Variants in CATSPERD observed in about 807,000 individuals in gnomAD.
The protein encoded by CATSPERD is cation channel sperm-associated auxiliary subunit delta.
CATSPERD carries 86 observed loss-of-function variants against 98.1 expected under a neutral mutation model. That is an observed-to-expected ratio of 0.88 (90% CI 0.74 to 1.05). The LOEUF is 1.05. CATSPERD is among the 50% of genes least tolerant of loss of function. The pLI is 0.00. For missense variants in CATSPERD, 995 were observed against 1,005.7 expected (o/e 0.99, Z 0.14); for synonymous variants, 394 against 390.2 (o/e 1.01, Z -0.12).
intron 12 of CATSPERD, chr19:5,753,561 C>CAAA (rs374878871): frequency 9.2e-5 from 30 of 325,056 alleles, no homozygotes; most frequent in East Asian, 6.0e-4. Context: ...GACTCTGTCT[C>CAAA]AAAAAAAAAA....
At chr19:5,744,287 A>AT in intron 7 of CATSPERD, 140 bp from the exon 8 acceptor site, 1 of 704,928 alleles carries the variant, frequency 1.4e-6, no homozygotes, top group South Asian at 1.6e-5. Flanking sequence ...ATTGAGTGCC[A>AT]TATTTCCACA....
intron 5 of CATSPERD, among the ~76,000 whole-genome samples, chr19:5,735,240 C>A (rs1395335691): frequency 6.6e-6 from 1 of 151,914 alleles, no homozygotes; most frequent in Non-Finnish European, 1.5e-5. Context: ...TGGGTTCAAG[C>A]GATTCTCCTG....
At chr19:5,767,233 C>T (rs1203086357) in intron 17 of CATSPERD, among the ~76,000 whole-genome samples, 4 of 138,014 alleles carry the variant, frequency 2.9e-5, no homozygotes, top group African/African-American at 1.1e-4. Context: ...AGGAGAATGG[C>T]GTGAACCCAG....
At chr19:5,743,305 A>G (rs2056025312) in intron 7 of CATSPERD, among the ~76,000 whole-genome samples, 1 of 151,640 alleles carries the variant, frequency 6.6e-6, no homozygotes, top group African/African-American at 2.4e-5. Context: ...CTCTGTCTCA[A>G]AAACAAACAA....
rs375478131 is a variant in CATSPERD at position 5,736,020 on chromosome 19, G to A, written c.392-1118G>A. Among the ~76,000 whole-genome samples, 6 of 137,806 alleles carry A rather than the reference G, an allele frequency of 4.4e-5. No homozygotes were observed. In the East Asian group the frequency reaches 6.7e-4, roughly 15 times the overall value. The allele number at this position is 137,806 out of a possible 152,430, so 90.4% of individuals were successfully genotyped here. The stretch of plus-strand genomic sequence containing the variant: ...TGGTCTTGATCTGACCTCATGATCC[G>A]CCCGCTTCAGCCTCCCAAAGTGCTG... On this transcript the variant is annotated intron_variant, in intron 5 of 21. Coordinates refer to ENST00000381624, the MANE Select transcript of CATSPERD (RefSeq NM_152784.4).
At position 5,745,930 on chromosome 19, in the gene CATSPERD, A is replaced by G. The variant is rs2056084077; in HGVS notation, c.675A>G (p.Ser225=). ...TCTCCCAGGGCATGTTCAAGTACTC[A>G]GATCACCCCCTCAACCGGAGTTTCG... ...VNQGKGMFKY[S]DHPLNRSFGL... is the part of the protein sequence containing the mutation. The change falls in exon 9 of 22, where the codon TCA becomes TCG. Residue 225 remains serine, a synonymous_variant. Transcript: ENST00000381624. 5 of 1,613,992 alleles carry G rather than the reference A, an allele frequency of 3.1e-6. No homozygotes were observed. Among genetic ancestry groups the G allele is most frequent in the Non-Finnish European group, 4.2e-6 (5 of 1,180,018 alleles).
chr19:5,724,955 G>C, intron 2 of CATSPERD, 93 bp downstream of exon 2: 1 of 1,137,086 alleles, frequency 8.8e-7, no homozygotes, highest in Non-Finnish European at 1.3e-6. Context: ...TGCCCGTGTT[G>C]TCAAGCATTT....
intron 11 of CATSPERD, among the ~76,000 whole-genome samples, chr19:5,751,083 C>T (rs898349724): frequency 3.4e-5 from 5 of 149,242 alleles, no homozygotes; most frequent in Non-Finnish European, 4.4e-5. Flanking sequence ...CATGGTGGTG[C>T]GACTGTGATC....
chr19:5,753,606 C>T, intron 12 of CATSPERD: 1 of 404,278 alleles, frequency 2.5e-6, no homozygotes, highest in Non-Finnish European at 4.9e-6. Context: ...CAGTGGCTCA[C>T]AACTGTAACC....
intron 5 of CATSPERD, among the ~76,000 whole-genome samples, chr19:5,736,031 C>T (rs552987333): frequency 1.3e-5 from 2 of 151,972 alleles, no homozygotes; most frequent in African/African-American, 2.4e-5. Flanking sequence ...CCCGCTTCAG[C>T]CTCCCAAAGT....
chr19:5,732,235 T>C (rs2055740099), intron 4 of CATSPERD, among the ~76,000 whole-genome samples: 1 of 151,138 alleles, frequency 6.6e-6, no homozygotes, highest in Non-Finnish European at 1.5e-5. Flanking sequence ...TCTCCCAGAG[T>C]GCTAGGATTA....
intron 7 of CATSPERD, among the ~76,000 whole-genome samples, chr19:5,743,557 C>T (rs984315279): frequency 2.7e-5 from 4 of 150,450 alleles, no homozygotes; most frequent in African/African-American, 9.8e-5. Context: ...CGAGGCTGTG[C>T]CACTGCACTC....
chr19:5,766,738 G>C (rs927805147), intron 17 of CATSPERD, among the ~76,000 whole-genome samples: 3 of 150,824 alleles, frequency 2.0e-5, no homozygotes, highest in Non-Finnish European at 4.4e-5. Flanking sequence ...TGTCACCCAG[G>C]CTGGAGTGCA....
intron 7 of CATSPERD, among the ~76,000 whole-genome samples, chr19:5,743,621 G>A: frequency 7.1e-6 from 1 of 140,886 alleles, no homozygotes; most frequent in East Asian, 2.0e-4. Context: ...AAAGAAAAAA[G>A]ATAGCAGTCT....
rs374016093 is a variant in CATSPERD, at chr19:5,745,938, C to T, written c.683C>T (p.Pro228Leu). ...GKGMFKYSDH[P>L]LNRSFGLSFD... Reference sequence around the variant, plus strand: ...GGCATGTTCAAGTACTCAGATCACCCCCTCAACCGGAGTTTCGGGCTGTCT... The same window carrying T: ...GGCATGTTCAAGTACTCAGATCACCTCCTCAACCGGAGTTTCGGGCTGTCT... The change falls in exon 9 of 22, where the codon CCC (proline) becomes CTC (leucine). Residue 228 changes from proline (P) to leucine (L), a missense_variant. Coordinates refer to ENST00000381624, the MANE Select transcript of CATSPERD (RefSeq NM_152784.4). The T allele has an allele frequency of 5.6e-6, 9 of 1,614,102 alleles. No homozygotes were observed. The highest frequency in any genetic ancestry group is 7.6e-6 in the Non-Finnish European group (9 of 1,180,024).
chr19:5,758,433 C>T (rs1012928483), intron 14 of CATSPERD, among the ~76,000 whole-genome samples: 15 of 151,926 alleles, frequency 9.9e-5, no homozygotes, highest in African/African-American at 3.1e-4. Flanking sequence ...GGGACTAGAA[C>T]AGAGCAGGGC....
At chr19:5,776,442 G>A (rs2056744296) in intron 21 of CATSPERD, 127 bp downstream of exon 21, 4 of 1,008,618 alleles carry the variant, frequency 4.0e-6, no homozygotes, top group Non-Finnish European at 5.8e-6. Context: ...CCGTCCCCAG[G>A]ACAAGTGATG....
rs143559496 is a variant in CATSPERD, at chr19:5,733,307, T to TTTTCTTTCTTTCTTTCTTTC, written c.277-540_277-521dup. Among the ~76,000 whole-genome samples, 549 of 146,866 alleles carry TTTTCTTTCTTTCTTTCTTTC rather than the reference T, an allele frequency of 3.7e-3. 8 individuals carry two copies. Among genetic ancestry groups the TTTTCTTTCTTTCTTTCTTTC allele is most frequent in the African/African-American group, 0.014 (520 of 38,328 alleles). Reference sequence around the variant, plus strand: ...CTGCGCCTGGTCTCTTTCTTTTTCTTTTTCTTTCTTTCTTTCTTTCTTTCT... The same window carrying TTTTCTTTCTTTCTTTCTTTC: ...CTGCGCCTGGTCTCTTTCTTTTTCTTTTTCTTTCTTTCTTTCTTTCTTTCTTTCTTTCTTTCTTTCTTTCT... On this transcript the variant is annotated intron_variant, in intron 4 of 21. Transcript: ENST00000381624.
chr19:5,731,815 T>A (rs1298759170), intron 4 of CATSPERD, among the ~76,000 whole-genome samples: 2 of 151,794 alleles, frequency 1.3e-5, no homozygotes, highest in Non-Finnish European at 2.9e-5. Flanking sequence ...GACCTCATGA[T>A]CCACCCGCCT....
Sources: allele counts gnomAD v4.1 joint callset (sites outside exome capture counted in the v4.1 genomes callset), GRCh38; gene constraint gnomAD v4.1.1; transcripts MANE v1.5; gene names NCBI Gene and HGNC (gene_info 2026-07-23, HGNC 2026-07-21).